Variants in VPS45 observed in about 807,000 individuals in gnomAD.
The protein encoded by VPS45 is vacuolar protein sorting 45 homolog, also known as vacuolar protein sorting-associated protein 45.
VPS45 carries 35 observed loss-of-function variants against 75.9 expected under a neutral mutation model. The ratio of observed to expected loss-of-function variants is 0.46; its 90% CI spans 0.35 to 0.61. The LOEUF (loss-of-function observed/expected upper bound fraction) is 0.61. VPS45 is among the 20% of genes least tolerant of loss of function. VPS45 has a pLI of 0.00. For synonymous variants in VPS45, 220 were observed against 238.2 expected, an observed-to-expected ratio of 0.92 and a Z score of 0.70; for missense variants, 559 against 685.9, an observed-to-expected ratio of 0.81 and a Z score of 2.07.
chr1:150,073,461 T>C (rs1274116092), intron 3 of VPS45, among the ~76,000 whole-genome samples: 2 of 152,174 alleles, frequency 1.3e-5, no homozygotes, highest in East Asian at 1.9e-4. Flanking sequence ...AAAAGTTACA[T>C]AAAGCTTGTC....
At chr1:150,083,475 A>G (rs587748692) in intron 10 of VPS45, among the ~76,000 whole-genome samples, 4 of 152,054 alleles carry the variant, frequency 2.6e-5, no homozygotes, top group East Asian at 3.9e-4. Context: ...AATACCAAGC[A>G]CTATGTACTA....
chr1:150,136,053 A>T (rs892690195), intron 14 of VPS45, among the ~76,000 whole-genome samples: 2 of 150,310 alleles, frequency 1.3e-5, no homozygotes, highest in Non-Finnish European at 3.0e-5. Context: ...GTTCAAGACC[A>T]GCTTGACCAA....
At chr1:150,127,008 G>A (rs1658555129) in intron 14 of VPS45, among the ~76,000 whole-genome samples, 2 of 152,198 alleles carry the variant, frequency 1.3e-5, no homozygotes. Context: ...GTCAACTGAT[G>A]TTATGACTCA....
chr1:150,092,230 A>T, intron 11 of VPS45, 72 bp from the exon 12 acceptor site: 1 of 1,541,068 alleles, frequency 6.5e-7, no homozygotes, highest in South Asian at 1.2e-5. Flanking sequence ...TGTTTCCTTA[A>T]TAAAATTATT....
intron 14 of VPS45, among the ~76,000 whole-genome samples, chr1:150,142,137 A>G (rs1311054198): frequency 6.6e-6 from 1 of 152,104 alleles, no homozygotes; most frequent in Non-Finnish European, 1.5e-5. Context: ...AGGCTGGTAA[A>G]TATAAATAGT....
intron 10 of VPS45, among the ~76,000 whole-genome samples, chr1:150,088,434 AATATATATAT>A (rs200780573): frequency 8.0e-6 from 1 of 125,540 alleles, no homozygotes; most frequent in Non-Finnish European, 1.6e-5. Flanking sequence ...CTGAATAATA[AATATATATAT>A]ATATATATAT....
chr1:150,143,761 T>C (rs1553815952), intron 14 of VPS45, among the ~76,000 whole-genome samples: 1 of 152,140 alleles, frequency 6.6e-6, no homozygotes, highest in East Asian at 1.9e-4. Flanking sequence ...GGAAGCAGTA[T>C]TGCAAGATGC....
intron 14 of VPS45, among the ~76,000 whole-genome samples, chr1:150,138,188 A>G (rs1479352422): frequency 6.6e-6 from 1 of 152,172 alleles, no homozygotes; most frequent in Admixed American, 6.5e-5. Context: ...GGACCTCCAC[A>G]TAGCTAAACA....
chr1:150,107,813 A>T (rs1029802696), intron 13 of VPS45, among the ~76,000 whole-genome samples: 6 of 152,294 alleles, frequency 3.9e-5, no homozygotes, highest in African/African-American at 9.6e-5. Context: ...AGGCAGGAGA[A>T]TCGTTTGAAC....
chr1:150,077,720 C>G lies in VPS45; in HGVS notation c.628C>G (p.Pro210Ala). ...GTTTGAATTCCGTCGGACAGAGGTT[C>G]CTCCATTGCTCCTTATTTTAGATCG... ...ELFEFRRTEV[P>A]PLLLILDRCD... Residue 210 changes from proline to alanine, a missense_variant, in exon 7 of 15, where the codon CCT becomes GCT. By Grantham distance (27) the Pro-to-Ala change is conservative (BLOSUM62 -1). Transcript: ENST00000644510. The G allele has an allele frequency of 6.2e-7, 1 of 1,614,038 alleles. No homozygotes were observed. Among genetic ancestry groups the G allele is most frequent in the African/African-American group, 1.3e-5 (1 of 75,032 alleles).
At chr1:150,094,266 T>C (rs770835507) in intron 13 of VPS45, among the ~76,000 whole-genome samples, 38 of 254 alleles carry the variant, frequency 0.15, no homozygotes, top group Non-Finnish European at 0.22. Flanking sequence ...TTAAAAATTA[T>C]ATATTTTTTT....
In VPS45 at chr1:150,144,909, C is replaced by A. The variant is rs1553816267; in HGVS notation, c.*113C>A. 1 of 1,561,834 alleles carries A rather than the reference C, an allele frequency of 6.4e-7. No homozygotes were observed. The highest frequency in any genetic ancestry group is 8.6e-7 in the Non-Finnish European group (1 of 1,157,200). ...GGGTTCTGTGCTGGTTGTTAGAACT[C>A]ATCTCCAGGTAGCCCACGGATACGT... On this transcript the variant is annotated 3_prime_UTR_variant, in exon 15 of 15. Coordinates refer to ENST00000644510, the MANE Select transcript of VPS45 (RefSeq NM_007259.5).
intron 13 of VPS45, among the ~76,000 whole-genome samples, chr1:150,107,308 A>G (rs1657384385): frequency 6.6e-6 from 1 of 152,160 alleles, no homozygotes; most frequent in Non-Finnish European, 1.5e-5. Flanking sequence ...TATGCACAGT[A>G]AATGTCCTTT....
At chr1:150,112,044 C>G (rs1410855677) in intron 14 of VPS45, among the ~76,000 whole-genome samples, 3 of 152,110 alleles carry the variant, frequency 2.0e-5, no homozygotes, top group Non-Finnish European at 4.4e-5. Context: ...TAAACTTGGG[C>G]CAATTACTAA....
At position 150,093,634 on chromosome 1, in the gene VPS45, C is replaced by T. The variant is rs2101570323; in HGVS notation, c.1479C>T (p.Ser493=). 1 of 1,612,382 alleles carries T rather than the reference C, an allele frequency of 6.2e-7. No individual in the cohort carries two copies. Among genetic ancestry groups the T allele is most frequent in the African/African-American group, 1.3e-5 (1 of 74,960 alleles). ...ACCTATATCCTTATTTAGGCCCCAG[C>T]ACACTCAGAGACAGGTAAGCTAACA... is the stretch of plus-strand genomic sequence containing the variant. ...KENLYPYLGP[S]TLRDRPQDII... is the part of the protein sequence containing the mutation. The change falls in exon 13 of 15, where the codon AGC becomes AGT. Residue 493 remains serine (S), a synonymous_variant. Coordinates refer to ENST00000644510, the MANE Select transcript of VPS45 (RefSeq NM_007259.5).
intron 10 of VPS45, chr1:150,083,086 A>G: frequency 2.0e-6 from 1 of 502,218 alleles, no homozygotes; most frequent in South Asian, 3.9e-5. Context: ...CCAAGGGTTC[A>G]GTTAATTAGT....
chr1:150,142,052 G>A (rs1659416167), intron 14 of VPS45, among the ~76,000 whole-genome samples: 1 of 152,114 alleles, frequency 6.6e-6, no homozygotes, highest in South Asian at 2.1e-4. Context: ...AATTTTTTAA[G>A]CATTCTGAGC....
intron 14 of VPS45, among the ~76,000 whole-genome samples, chr1:150,117,543 A>G (rs1157728315): frequency 6.6e-6 from 1 of 150,412 alleles, no homozygotes; most frequent in Admixed American, 6.6e-5. Flanking sequence ...AAATAAATAA[A>G]TAAGTAAAAA....
intron 13 of VPS45, among the ~76,000 whole-genome samples, chr1:150,098,680 C>T (rs1656801735): frequency 6.6e-6 from 1 of 152,168 alleles, no homozygotes; most frequent in Non-Finnish European, 1.5e-5. Flanking sequence ...GGCAAGAACA[C>T]AACTTTGCAA....
Sources: gnomAD v4.1 joint callset for allele counts (sites outside exome capture counted in the v4.1 genomes callset) on GRCh38, gnomAD v4.1.1 for gene constraint, MANE v1.5 for transcripts, NCBI Gene and HGNC (gene_info 2026-07-23, HGNC 2026-07-21) for gene names.